Variants in CACNA2D3 observed in about 807,000 individuals in gnomAD.
CACNA2D3 encodes the protein calcium voltage-gated channel auxiliary subunit alpha2delta 3.
Under a neutral mutation model 160.6 loss-of-function variants are expected in CACNA2D3, and 60 were observed. That is an observed-to-expected ratio of 0.37 (90% CI 0.30 to 0.46). CACNA2D3 has a LOEUF of 0.46. Among genes scored for constraint, CACNA2D3 ranks in the 20% least tolerant of loss-of-function variants. The probability of loss-of-function intolerance (pLI) is 1.00; values close to 1 mark genes in which losing one functional copy is unlikely to be tolerated. For synonymous variants in CACNA2D3, 558 were observed against 492.9 expected (o/e 1.13, Z -1.75); for missense variants, 1,205 against 1,365.0 (o/e 0.88, Z 1.85).
At chr3:54,542,465 C>CT (rs1701996955) in intron 5 of CACNA2D3, among the ~76,000 whole-genome samples, 1 of 152,184 alleles carries the variant, frequency 6.6e-6, no homozygotes, top group Non-Finnish European at 1.5e-5. Flanking sequence ...GTGGATCAGT[C>CT]TGAGTCTCAA....
chr3:54,541,938 G>GTT (rs199980479), intron 5 of CACNA2D3, among the ~76,000 whole-genome samples: 3 of 137,436 alleles, frequency 2.2e-5, no homozygotes, highest in African/African-American at 7.9e-5. Context: ...GTGTGTGTGG[G>GTT]TTTTTTTTTT....
At chr3:54,809,378 G>A (rs1248827272) in intron 13 of CACNA2D3, among the ~76,000 whole-genome samples, 1 of 124,116 alleles carries the variant, frequency 8.1e-6, no homozygotes, top group Non-Finnish European at 1.6e-5. Flanking sequence ...GACTGCAGTG[G>A]CGCAATCTCG....
intron 2 of CACNA2D3, among the ~76,000 whole-genome samples, chr3:54,317,881 C>T (rs958560651): frequency 6.6e-6 from 1 of 152,178 alleles, no homozygotes; most frequent in African/African-American, 2.4e-5. Flanking sequence ...CCATAACTTA[C>T]CTACTCCTGT....
At chr3:54,904,975 C>A (rs1294269305) in intron 27 of CACNA2D3, among the ~76,000 whole-genome samples, 1 of 152,162 alleles carries the variant, frequency 6.6e-6, no homozygotes, top group African/African-American at 2.4e-5. Flanking sequence ...CAGTAGATGT[C>A]TTTTCTGAGG....
intron 9 of CACNA2D3, among the ~76,000 whole-genome samples, chr3:54,624,274 CAT>C (rs1286607974): frequency 1.1e-4 from 17 of 152,162 alleles, no homozygotes; most frequent in Admixed American, 1.1e-3. Flanking sequence ...TGAAGTGCCA[CAT>C]GAGCTACACA....
chr3:54,970,454 TCTCCTCCCCTCCG>T (rs1702245836), intron 29 of CACNA2D3, among the ~76,000 whole-genome samples: 2 of 55,958 alleles, frequency 3.6e-5, no homozygotes, highest in African/African-American at 6.7e-5. Context: ...CCTCCCCTCC[TCTCCTCCCCTCCG>T]TTCCTCACCC....
In CACNA2D3 at chr3:54,897,054, AAAGG is replaced by A. The variant is rs146767591; in HGVS notation, c.2368+189_2368+192del. On this transcript the variant is annotated intron_variant, in intron 26 of 37. Coordinates refer to ENST00000474759, the MANE Select transcript of CACNA2D3 (RefSeq NM_018398.3). ...TCCATAAGAGTAATAGCCTCAAAGA[AAAGG>A]AAGGTTTTTCCTTTACCAAATTATG... 2,585 of 583,130 alleles carry A rather than the reference AAAGG, an allele frequency of 4.4e-3. 47 individuals carry two copies. Among genetic ancestry groups the A allele is most frequent in the African/African-American group, 0.042 (2,257 of 53,990 alleles). 36.1% of individuals were successfully genotyped at this position (583,130 alleles called of 1,614,324 possible).
chr3:54,296,802 G>A (rs1195511581), intron 2 of CACNA2D3, among the ~76,000 whole-genome samples: 1 of 152,194 alleles, frequency 6.6e-6, no homozygotes, highest in Non-Finnish European at 1.5e-5. Context: ...GAGACAAATT[G>A]TGTTGTGGGG....
chr3:54,168,256 A>C (rs1207299762), intron 2 of CACNA2D3, among the ~76,000 whole-genome samples: 1 of 152,206 alleles, frequency 6.6e-6, no homozygotes, highest in Non-Finnish European at 1.5e-5. Flanking sequence ...TTCTCCAGAA[A>C]TGCTTATGGA....
intron 5 of CACNA2D3, among the ~76,000 whole-genome samples, chr3:54,539,267 G>C (rs1444369181): frequency 6.6e-6 from 1 of 152,230 alleles, no homozygotes; most frequent in Non-Finnish European, 1.5e-5. Context: ...GCCACAGCAT[G>C]AAAGTGTTTA....
At chr3:55,039,955 C>T (rs1048782477) in intron 35 of CACNA2D3, among the ~76,000 whole-genome samples, 1 of 151,680 alleles carries the variant, frequency 6.6e-6, no homozygotes, top group Non-Finnish European at 1.5e-5. Context: ...TAAGTCTACT[C>T]TGGCTGCTGT....
intron 2 of CACNA2D3, among the ~76,000 whole-genome samples, chr3:54,231,925 G>A (rs1007968361): frequency 6.6e-6 from 1 of 152,198 alleles, no homozygotes; most frequent in Non-Finnish European, 1.5e-5. Context: ...CAAGGCTATT[G>A]CACTGGCCCT....
intron 14 of CACNA2D3, among the ~76,000 whole-genome samples, chr3:54,827,177 C>G (rs1215188809): frequency 2.0e-5 from 3 of 152,232 alleles, no homozygotes; most frequent in African/African-American, 2.4e-5. Context: ...ACTCAGATCT[C>G]TACTCTGCTG....
At chr3:54,943,809 C>T (rs1332451389) in intron 27 of CACNA2D3, among the ~76,000 whole-genome samples, 2 of 152,204 alleles carry the variant, frequency 1.3e-5, no homozygotes, top group Non-Finnish European at 2.9e-5. Context: ...GGCATGCAGG[C>T]ACCTAAGACT....
Position 54,891,467 on chromosome 3 carries a change from C to T in CACNA2D3, c.2246+17C>T, listed in dbSNP as rs778490276. ...CACCAATCAGTAAGTAGGAGGGATC[C>T]TCTACAGGGGCCCAGGGAGCTTCTG... On this transcript the variant is annotated intron_variant, in intron 25 of 37. Transcript: ENST00000474759. The T allele has an allele frequency of 5.7e-6, 9 of 1,573,244 alleles. No homozygotes were observed. Among genetic ancestry groups the T allele is most frequent in the Middle Eastern group, 1.7e-4 (1 of 6,014 alleles).
At chr3:55,014,327 C>T (rs1354024964) in intron 34 of CACNA2D3, among the ~76,000 whole-genome samples, 1 of 152,170 alleles carries the variant, frequency 6.6e-6, no homozygotes, top group African/African-American at 2.4e-5. Flanking sequence ...CTTCTGGAAC[C>T]TCATTTTTCA....
intron 2 of CACNA2D3, among the ~76,000 whole-genome samples, chr3:54,201,264 T>C (rs1169918424): frequency 6.6e-6 from 1 of 152,246 alleles, no homozygotes; most frequent in East Asian, 1.9e-4. Flanking sequence ...AATTTGAAAT[T>C]ACACATTATA....
intron 11 of CACNA2D3, among the ~76,000 whole-genome samples, chr3:54,710,294 A>G (rs982534490): frequency 1.3e-5 from 2 of 152,240 alleles, no homozygotes; most frequent in African/African-American, 4.8e-5. Flanking sequence ...GGCTAGGCTG[A>G]CCTGTGTTGC....
chr3:54,664,226 G>T lies in CACNA2D3; in HGVS notation c.1167+21985G>T, dbSNP rs1214530381. ...GTAAAGGGACCAGTGAGCATAACCT[G>T]CCCTGCACAACAAGGCCAGTGGTGT... On this transcript the variant is annotated intron_variant, in intron 11 of 37. Coordinates refer to ENST00000474759, the MANE Select transcript of CACNA2D3 (RefSeq NM_018398.3). Among the ~76,000 whole-genome samples, 7 of 152,306 alleles carry T rather than the reference G, an allele frequency of 4.6e-5. No individual in the cohort carries two copies. The East Asian group carries it at 1.4e-3, about 29-fold the overall frequency.
Sources: gnomAD v4.1 joint callset for allele counts (sites outside exome capture counted in the v4.1 genomes callset) on GRCh38, gnomAD v4.1.1 for gene constraint, MANE v1.5 for transcripts, NCBI Gene and HGNC (gene_info 2026-07-23, HGNC 2026-07-21) for gene names.